R3HCC1L: variants seen among roughly 807,000 people sequenced by gnomAD.
The protein encoded by R3HCC1L is coiled-coil domain-containing protein R3HCC1L.
Under a neutral mutation model 59.9 loss-of-function variants are expected in R3HCC1L, and 51 were observed. The observed-to-expected ratio is 0.85, with a 90% CI of 0.68 to 1.07. The LOEUF is 1.07. Among genes scored for constraint, R3HCC1L ranks in the 50% least tolerant of loss-of-function variants. The pLI, the probability that R3HCC1L is intolerant of heterozygous loss-of-function variation, is 0.00. For missense variants in R3HCC1L, 965 were observed against 933.0 expected, an observed-to-expected ratio of 1.03 and a Z score of -0.45; for synonymous variants, 322 against 315.2, an observed-to-expected ratio of 1.02 and a Z score of -0.23.
intron 5 of R3HCC1L, among the ~76,000 whole-genome samples, chr10:98,216,083 T>G (rs1474913166): frequency 6.6e-6 from 1 of 152,216 alleles, no homozygotes; most frequent in African/African-American, 2.4e-5. Context: ...ATTTTGAAAT[T>G]TTGTTTTCTT....
chr10:98,179,021 G>A (rs1043988124), intron 4 of R3HCC1L, among the ~76,000 whole-genome samples: 7 of 152,188 alleles, frequency 4.6e-5, no homozygotes, highest in Non-Finnish European at 1.0e-4. Context: ...GGGACAATTT[G>A]ACTTCCTCTT....
chr10:98,163,408 TTTAC>T lies in R3HCC1L; in HGVS notation c.-15+15_-15+18del, dbSNP rs1162297780. 1.5e-6 allele frequency: 2 copies of T among 1,317,282 alleles called. No individual in the cohort carries two copies. The highest frequency in any genetic ancestry group is 1.7e-5 in the South Asian group (1 of 57,194). The allele number at this position is 1,317,282 out of a possible 1,614,324, so 81.6% of individuals were successfully genotyped here. A position where few individuals can be genotyped will look rare whatever the true frequency, so the allele number is the denominator to read the frequency against. ...AATGTTACTTACATGGTAAGTTGCC[TTTAC>T]TTATGCATATTTTATAGAAATACTG... On this transcript the variant is annotated intron_variant, in intron 4 of 9. Transcript: ENST00000298999.
In R3HCC1L at chr10:98,134,707, G is replaced by A. The variant is rs1460809380; in HGVS notation, c.-268+1G>A. The stretch of plus-strand genomic sequence containing the variant: ...GGAAGCGGAGAGCAACAGCGCGCCG[G>A]TAACAACCAGCCCCGTATCCCCTCC... On this transcript the variant is annotated splice_donor_variant, in intron 1 of 9. Coordinates refer to ENST00000298999, the MANE Select transcript of R3HCC1L (RefSeq NM_001351015.2). LOFTEE classifies it low-confidence loss of function (5UTR_SPLICE). 1 of 152,296 alleles carries A rather than the reference G, an allele frequency of 6.6e-6. No individual in the cohort carries two copies. The highest frequency in any genetic ancestry group is 1.5e-5 in the Non-Finnish European group (1 of 68,094). 9.4% of individuals were successfully genotyped at this position (152,296 alleles called of 1,614,324 possible). A position where few individuals can be genotyped will look rare whatever the true frequency, so the allele number is the denominator to read the frequency against.
chr10:98,140,631 G>C (rs1845049700), intron 1 of R3HCC1L, among the ~76,000 whole-genome samples: 1 of 152,086 alleles, frequency 6.6e-6, no homozygotes, highest in Non-Finnish European at 1.5e-5. Context: ...AGAGCTTATT[G>C]GATTTTTGTC....
At chr10:98,223,368 T>C (rs1855282109) in intron 5 of R3HCC1L, among the ~76,000 whole-genome samples, 1 of 152,170 alleles carries the variant, frequency 6.6e-6, no homozygotes, top group African/African-American at 2.4e-5. Context: ...ATCCCTGGGA[T>C]GCAAGATTTA....
chr10:98,222,785 C>T (rs902658803), intron 5 of R3HCC1L, among the ~76,000 whole-genome samples: 29 of 151,900 alleles, frequency 1.9e-4, no homozygotes, highest in African/African-American at 6.8e-4. Context: ...AATTGATAGA[C>T]CGCTAGCAAG....
intron 9 of R3HCC1L, among the ~76,000 whole-genome samples, chr10:98,242,473 A>G (rs1857640417): frequency 6.6e-6 from 1 of 152,190 alleles, no homozygotes; most frequent in South Asian, 2.1e-4. Context: ...GTTCACACTA[A>G]ATGGGATATG....
chr10:98,193,579 T>C (rs1213014253), intron 4 of R3HCC1L, among the ~76,000 whole-genome samples: 1 of 152,080 alleles, frequency 6.6e-6, no homozygotes, highest in Non-Finnish European at 1.5e-5. Flanking sequence ...CATTGAAAAC[T>C]ATAAAACATT....
chr10:98,139,012 A>G (rs143915368), intron 1 of R3HCC1L, among the ~76,000 whole-genome samples: 62 of 152,284 alleles, frequency 4.1e-4, no homozygotes, highest in African/African-American at 1.3e-3. Flanking sequence ...TGATACATCT[A>G]TATTCATTCC....
chr10:98,235,412 T>A lies in R3HCC1L; in HGVS notation c.2033-13T>A. On this transcript the variant is annotated splice_polypyrimidine_tract_variant and intron_variant, in intron 7 of 9. Coordinates refer to ENST00000298999, the MANE Select transcript of R3HCC1L (RefSeq NM_001351015.2). ...ACTTCATGTCTTCTGCTTCCTTTTATTCCTCTTTGCAGCTCGTGATGCGTT... is the reference window on the plus strand; with the variant it reads ...ACTTCATGTCTTCTGCTTCCTTTTAATCCTCTTTGCAGCTCGTGATGCGTT... 1.2e-6 allele frequency: 2 copies of A among 1,608,388 alleles called. No individual in the cohort carries two copies. Among genetic ancestry groups the A allele is most frequent in the Non-Finnish European group, 1.7e-6 (2 of 1,175,184 alleles).
intron 4 of R3HCC1L, among the ~76,000 whole-genome samples, chr10:98,195,490 C>A (rs1419884409): frequency 1.3e-5 from 2 of 149,284 alleles, no homozygotes; most frequent in African/African-American, 4.9e-5. Context: ...CGTCTATAAG[C>A]ATACAAAACA....
intron 6 of R3HCC1L, among the ~76,000 whole-genome samples, chr10:98,233,389 T>G (rs369213573): frequency 1.3e-5 from 2 of 152,194 alleles, no homozygotes; most frequent in African/African-American, 4.8e-5. Context: ...TTTATAAAAA[T>G]GAAAATATTA....
intron 9 of R3HCC1L, among the ~76,000 whole-genome samples, chr10:98,237,523 C>T (rs1857090389): frequency 2.0e-5 from 3 of 152,164 alleles, no homozygotes; most frequent in Admixed American, 6.5e-5. Context: ...CATCAGCATG[C>T]AGCTCCACTT....
Position 98,172,373 on chromosome 10 carries a change from C to G in R3HCC1L, c.-15+8976C>G, listed in dbSNP as rs189962829. On this transcript the variant is annotated intron_variant, in intron 4 of 9. Transcript: ENST00000298999. The stretch of plus-strand genomic sequence containing the variant: ...GGGTTAGCAGCTAGAAAGAATGAAA[C>G]TGTAACATTTTTAGCGTGGTTCATG... Among the ~76,000 whole-genome samples the G allele has an allele frequency of 2.6e-4, 40 of 152,284 alleles. 1 individual carries two copies. In the South Asian group the frequency reaches 4.8e-3, roughly 18 times the overall value.
intron 4 of R3HCC1L, among the ~76,000 whole-genome samples, chr10:98,178,060 T>C (rs1849224326): frequency 6.6e-6 from 1 of 152,220 alleles, no homozygotes; most frequent in South Asian, 2.1e-4. Context: ...TTTAGTTTAA[T>C]TAGACCCCAT....
At chr10:98,173,346 G>A (rs1191375308) in intron 4 of R3HCC1L, among the ~76,000 whole-genome samples, 3 of 152,078 alleles carry the variant, frequency 2.0e-5, no homozygotes, top group Non-Finnish European at 4.4e-5. Context: ...CAGCTTCCTT[G>A]ACTGCTTTCT....
intron 5 of R3HCC1L, among the ~76,000 whole-genome samples, chr10:98,230,798 G>A (rs1022269513): frequency 2.0e-5 from 3 of 152,138 alleles, no homozygotes; most frequent in South Asian, 2.1e-4. Flanking sequence ...CTTTGCTGCC[G>A]CTTTCCACTT....
At chr10:98,182,290 T>C (rs1210433327) in intron 4 of R3HCC1L, among the ~76,000 whole-genome samples, 1 of 152,178 alleles carries the variant, frequency 6.6e-6, no homozygotes, top group Non-Finnish European at 1.5e-5. Context: ...TGCAGGTCTG[T>C]TGGAATTTGC....
intron 5 of R3HCC1L, among the ~76,000 whole-genome samples, chr10:98,222,377 C>G: frequency 6.6e-6 from 1 of 151,888 alleles, no homozygotes; most frequent in East Asian, 1.9e-4. Context: ...TTATTTCCTT[C>G]TCCTGCCTAA....
Sources: allele counts gnomAD v4.1 joint callset (sites outside exome capture counted in the v4.1 genomes callset), GRCh38; gene constraint gnomAD v4.1.1; transcripts MANE v1.5; gene names NCBI Gene and HGNC (gene_info 2026-07-23, HGNC 2026-07-21).